BTBD18: variants seen among roughly 807,000 people sequenced by gnomAD.
BTBD18 encodes BTB domain containing 18.
For synonymous variants in BTBD18, 311 were observed against 324.4 expected, an observed-to-expected ratio of 0.96 and a Z score of 0.44; for missense variants, 787 against 846.3, an observed-to-expected ratio of 0.93 and a Z score of 0.87.
chr11:57,745,966 C>G lies in BTBD18; in HGVS notation c.307G>C (p.Glu103Gln), dbSNP rs979465227. ...GCAGATAGCACATCCTGGGCTTCTT[C>G]TTGAGATACTTCCATTTCTGAGGTA... The part of the protein sequence containing the change: ...LYTSEMEVSQ[E>Q]EAQDVLSAAR... Residue 103 changes from glutamate (E) to glutamine (Q), a missense_variant, in exon 3 of 3, where the codon GAA becomes CAA. Glu to Gln is a conservative substitution (Grantham distance 29). Transcript: ENST00000422652. 7 of 1,551,582 alleles carry G rather than the reference C, an allele frequency of 4.5e-6. No homozygotes were observed. The African/African-American group carries it at 9.6e-5, about 21-fold the overall frequency.
At position 57,743,789 on chromosome 11, in the gene BTBD18, C is replaced by G. The variant is rs1357810985; in HGVS notation, c.*345G>C. 2 of 198,760 alleles carry G rather than the reference C, an allele frequency of 1.0e-5. No individual in the cohort carries two copies. Among genetic ancestry groups the G allele is most frequent in the Non-Finnish European group, 2.1e-5 (2 of 96,976 alleles). 12.3% of individuals were successfully genotyped at this position (198,760 alleles called of 1,614,324 possible). ...CACAGAGGAGGGTGTTCTTTCTCAGCTTTTCCTAAATTACCAGTGACTGGA... is the reference window on the plus strand; with the variant it reads ...CACAGAGGAGGGTGTTCTTTCTCAGGTTTTCCTAAATTACCAGTGACTGGA... On this transcript the variant is annotated 3_prime_UTR_variant, in exon 3 of 3. Coordinates refer to ENST00000422652, the MANE Select transcript of BTBD18 (RefSeq NM_001145101.3).
Position 57,744,934 on chromosome 11 carries a change from C to G in BTBD18, c.1339G>C (p.Glu447Gln). ...TTCTCTACCAGTTCTGGACTGGACT[C>G]AAACTCTGACTTCACCACTGGGTGG... ...PDHPVVKSEF[E>Q]SSPELVEKEP... Residue 447 changes from glutamate (E) to glutamine (Q), a missense_variant, in exon 3 of 3, where the codon GAG becomes CAG. Physicochemically the swap from Glu to Gln is conservative, Grantham distance 29. Transcript: ENST00000422652. The G allele has an allele frequency of 1.9e-6, 3 of 1,551,522 alleles. No individual in the cohort carries two copies. Among genetic ancestry groups the G allele is most frequent in the Non-Finnish European group, 2.6e-6 (3 of 1,146,872 alleles).
intron 2 of BTBD18, among the ~76,000 whole-genome samples, chr11:57,747,044 ACT>A (rs1199957920): frequency 6.6e-6 from 1 of 152,176 alleles, no homozygotes; most frequent in Non-Finnish European, 1.5e-5. Flanking sequence ...AATTTTATTG[ACT>A]CACACAAGAG....
rs1444161549 is a variant in BTBD18, at chr11:57,744,771, A to C, written c.1502T>G (p.Met501Arg). Residue 501 changes from methionine (M) to arginine (R), a missense_variant, in exon 3 of 3, where the codon ATG becomes AGG. Transcript: ENST00000422652. ...TGGTTCAATGTCTGAGCCACAGAGC[A>C]TGAAGTCCAGGATCTCCTCCAGCTC... Reference protein sequence around the residue: ...TSELEEILDFMLCGSDIEPPI... With the variant: ...TSELEEILDFRLCGSDIEPPI... The C allele has an allele frequency of 5.2e-6, 8 of 1,551,730 alleles. No individual in the cohort carries two copies. The East Asian group carries it at 2.0e-4, about 38-fold the overall frequency.
intron 2 of BTBD18, among the ~76,000 whole-genome samples, chr11:57,746,518 C>A (rs1356084788): frequency 6.6e-6 from 1 of 151,986 alleles, no homozygotes; most frequent in Non-Finnish European, 1.5e-5. Context: ...TTAGTAGAGA[C>A]GGGGTTTCAC....
chr11:57,747,086 G>C (rs1406002091), intron 2 of BTBD18, among the ~76,000 whole-genome samples: 1 of 152,184 alleles, frequency 6.6e-6, no homozygotes, highest in Non-Finnish European at 1.5e-5. Context: ...GCAACTTGTG[G>C]TCTAACAGAA....
intron 2 of BTBD18, among the ~76,000 whole-genome samples, chr11:57,746,671 C>G (rs1260442854): frequency 6.6e-6 from 1 of 152,012 alleles, no homozygotes; most frequent in Admixed American, 6.6e-5. Flanking sequence ...TCATCACTTC[C>G]TTCAGAAAGC....
At position 57,744,957 on chromosome 11, in the gene BTBD18, T is replaced by C; in HGVS notation, c.1316A>G (p.His439Arg). 1 of 1,551,616 alleles carries C rather than the reference T, an allele frequency of 6.4e-7. No individual in the cohort carries two copies. The highest frequency in any genetic ancestry group is 8.7e-7 in the Non-Finnish European group (1 of 1,146,942). Residue 439 changes from histidine (H) to arginine (R), a missense_variant, in exon 3 of 3, where the codon CAC (histidine) becomes CGC (arginine). Physicochemically the swap from His to Arg is conservative, Grantham distance 29. Coordinates refer to ENST00000422652, the MANE Select transcript of BTBD18 (RefSeq NM_001145101.3). The stretch of plus-strand genomic sequence containing the variant: ...CTCAAACTCTGACTTCACCACTGGG[T>C]GGTCTGGGGAGTGGCTAGCAGAGAC... Reference protein sequence around the residue: ...ILVSASHSPDHPVVKSEFESS... With the variant: ...ILVSASHSPDRPVVKSEFESS...
rs1286567259 is a variant in BTBD18, at chr11:57,744,790, C to T, written c.1483G>A (p.Glu495Lys). The T allele has an allele frequency of 1.3e-6, 2 of 1,551,730 alleles. No homozygotes were observed. The highest frequency in any genetic ancestry group is 1.7e-6 in the Non-Finnish European group (2 of 1,147,002). The change falls in exon 3 of 3, where the codon GAG (glutamate) becomes AAG (lysine). Residue 495 changes from glutamate (E) to lysine (K), a missense_variant. Physicochemically the swap from Glu to Lys is moderately conservative, Grantham distance 56. Coordinates refer to ENST00000422652, the MANE Select transcript of BTBD18 (RefSeq NM_001145101.3). ...ITSAAATSEL[E>K]EILDFMLCGS... ...CAGAGCATGAAGTCCAGGATCTCCT[C>T]CAGCTCACTGGTGGCAGCAGCACTT...
At chr11:57,748,447 G>A (rs1350375708) in intron 2 of BTBD18, among the ~76,000 whole-genome samples, 1 of 152,040 alleles carries the variant, frequency 6.6e-6, no homozygotes, top group Admixed American at 6.6e-5. Flanking sequence ...GGGCACAGTG[G>A]CTCAAACCTG....
intron 1 of BTBD18, 145 bp from the exon 2 acceptor site, chr11:57,751,381 A>C: frequency 2.2e-6 from 1 of 450,998 alleles, no homozygotes; most frequent in Non-Finnish European, 3.9e-6. Context: ...GGATATCTCA[A>C]GAAAGAAAAT....
At position 57,751,209 on chromosome 11, in the gene BTBD18, A is replaced by G. The variant is rs1284917354; in HGVS notation, c.-21T>C. On this transcript the variant is annotated 5_prime_UTR_variant, in exon 2 of 3. Coordinates refer to ENST00000422652, the MANE Select transcript of BTBD18 (RefSeq NM_001145101.3). Reference sequence around the variant, plus strand: ...CACATGTTGGCAAGAGTCTTAACAAACCTTCTAGGTTTTCACAGATCAGAC... The same window carrying G: ...CACATGTTGGCAAGAGTCTTAACAAGCCTTCTAGGTTTTCACAGATCAGAC... The G allele has an allele frequency of 3.3e-6, 5 of 1,519,084 alleles. No individual in the cohort carries two copies. The East Asian group carries it at 1.0e-4, about 30-fold the overall frequency. 94.1% of individuals were successfully genotyped at this position (1,519,084 alleles called of 1,614,324 possible). A position where few individuals can be genotyped will look rare whatever the true frequency, so the allele number is the denominator to read the frequency against.
In BTBD18 at chr11:57,744,552, G is replaced by A. The variant is rs1949152828; in HGVS notation, c.1721C>T (p.Pro574Leu). The A allele has an allele frequency of 6.4e-7, 1 of 1,551,536 alleles. No homozygotes were observed. The highest frequency in any genetic ancestry group is 8.7e-7 in the Non-Finnish European group (1 of 1,146,982). ...ACTCACCTCAGAGGGCATGACAAGG[G>A]GGCTAAGGAGCTCAGTTGGCCCTCT... is the stretch of plus-strand genomic sequence containing the variant. ...ENRGPTELLS[P>L]LVMPSEVSEV... The change falls in exon 3 of 3, where the codon CCC (proline) becomes CTC (leucine). Residue 574 changes from proline to leucine, a missense_variant. Transcript: ENST00000422652.
At chr11:57,750,237 T>C (rs1949279175) in intron 2 of BTBD18, among the ~76,000 whole-genome samples, 1 of 151,420 alleles carries the variant, frequency 6.6e-6, no homozygotes, top group Non-Finnish European at 1.5e-5. Flanking sequence ...ATTTTCCGGG[T>C]GTGGTGGCAC....
chr11:57,746,228 G>A (rs1354386338), intron 2 of BTBD18, 80 bp from the exon 3 acceptor site: 1 of 1,074,192 alleles, frequency 9.3e-7, no homozygotes, highest in Non-Finnish European at 1.3e-6. Context: ...CTACCCAAAT[G>A]TACTGCCCCT....
chr11:57,747,343 A>G (rs759245201), intron 2 of BTBD18, among the ~76,000 whole-genome samples: 2 of 152,202 alleles, frequency 1.3e-5, no homozygotes, highest in Admixed American at 6.5e-5. Flanking sequence ...CTTCAATGCA[A>G]CTTTTCCAGA....
In BTBD18 at chr11:57,745,127, A is replaced by C; in HGVS notation, c.1146T>G (p.Asp382Glu). The C allele has an allele frequency of 6.4e-7, 1 of 1,551,668 alleles. No homozygotes were observed. The highest frequency in any genetic ancestry group is 8.7e-7 in the Non-Finnish European group (1 of 1,146,992). Residue 382 changes from aspartate (D) to glutamate (E), a missense_variant, in exon 3 of 3, where the codon GAT (aspartate) becomes GAG (glutamate). Coordinates refer to ENST00000422652, the MANE Select transcript of BTBD18 (RefSeq NM_001145101.3). ...VQETPLKNTQ[D>E]SPQIPDPGGD... Reference sequence around the variant, plus strand: ...CTCCGGGATCTGGGATCTGGGGGCTATCTTGAGTGTTTTTGAGAGGAGTCT... The same window carrying C: ...CTCCGGGATCTGGGATCTGGGGGCTCTCTTGAGTGTTTTTGAGAGGAGTCT...
upstream of BTBD18, among the ~76,000 whole-genome samples, chr11:57,752,845 G>A (rs1458329255): frequency 6.6e-6 from 1 of 152,220 alleles, no homozygotes; most frequent in East Asian, 1.9e-4. Context: ...CAGGGCTTCA[G>A]GGAGAGCCCT....
rs1295381045 is a variant in BTBD18 at position 57,744,584 on chromosome 11, A to G, written c.1689T>C (p.Gly563=). Residue 563 remains glycine, a synonymous_variant, in exon 3 of 3, where the codon GGT becomes GGC. Transcript: ENST00000422652. ...GGAGCTCAGTTGGCCCTCTGTTCTC[A>G]CCAGCAGGTTCCTTTTCCAATTCTG... ...ELTELEKEPA[G]ENRGPTELLS... 1 of 1,551,588 alleles carries G rather than the reference A, an allele frequency of 6.4e-7. No individual in the cohort carries two copies. Among genetic ancestry groups the G allele is most frequent in the East Asian group, 2.4e-5 (1 of 40,912 alleles).
Sources: gnomAD v4.1 joint callset for allele counts (sites outside exome capture counted in the v4.1 genomes callset) on GRCh38, gnomAD v4.1.1 for gene constraint, MANE v1.5 for transcripts, NCBI Gene and HGNC (gene_info 2026-07-23, HGNC 2026-07-21) for gene names.